The following INPP5B variants were observed in gnomAD, a reference collection of about 807,000 sequenced individuals.
The protein encoded by INPP5B is inositol polyphosphate-5-phosphatase B.
Under a neutral mutation model 118.5 loss-of-function variants are expected in INPP5B, and 90 were observed. The observed-to-expected ratio is 0.76, with a 90% CI of 0.64 to 0.90. The LOEUF (loss-of-function observed/expected upper bound fraction) is 0.90, where lower values mean the gene tolerates loss of function less well. Ranked by LOEUF, INPP5B falls within the 40% of genes least tolerant of loss-of-function variation. The pLI is 0.00. For missense variants in INPP5B, 984 were observed against 1,125.6 expected (o/e 0.87, Z 1.80); for synonymous variants, 385 against 418.9 (o/e 0.92, Z 0.99).
rs148354502 is a variant in INPP5B at position 37,861,687 on chromosome 1, G to A, written c.*628C>T. 0.027 allele frequency: 4,046 copies of A among 148,422 alleles called. 77 individuals are homozygous for A. Among genetic ancestry groups the A allele is most frequent in the Middle Eastern group, 0.046 (13 of 284 alleles). The allele number at this position is 148,422 out of a possible 1,614,324, so 9.2% of individuals were successfully genotyped here. A position where few individuals can be genotyped will look rare whatever the true frequency, so the allele number is the denominator to read the frequency against. On this transcript the variant is annotated 3_prime_UTR_variant, in exon 24 of 24. Coordinates refer to ENST00000373024, the MANE Select transcript of INPP5B (RefSeq NM_005540.3). ...AGAGGTTGCAGTGAGCCAAGACCAC[G>A]CCAACGCACTCCAGCCTGGGCAACA...
intron 14 of INPP5B, 76 bp downstream of exon 14, chr1:37,882,731 G>T: frequency 8.7e-7 from 1 of 1,143,018 alleles, no homozygotes; most frequent in Non-Finnish European, 1.3e-6. Flanking sequence ...GAGGCTGCGA[G>T]TTTGGAAGCC....
At position 37,885,189 on chromosome 1, in the gene INPP5B, G is replaced by A. The variant is rs191455639; in HGVS notation, c.1319+449C>T. On this transcript the variant is annotated intron_variant, in intron 13 of 23. Coordinates refer to ENST00000373024, the MANE Select transcript of INPP5B (RefSeq NM_005540.3). ...AGCACTCTGGGAGGCCGAGGTGGGC[G>A]GATCATGAGGTCAGGAGATTGAGAC... 927 of 152,568 alleles carry A rather than the reference G, an allele frequency of 6.1e-3. 6 individuals are homozygous for A. Among genetic ancestry groups the A allele is most frequent in the Middle Eastern group, 0.014 (4 of 296 alleles). The allele number at this position is 152,568 out of a possible 1,614,324, so 9.5% of individuals were successfully genotyped here. A position where few individuals can be genotyped will look rare whatever the true frequency, so the allele number is the denominator to read the frequency against.
At chr1:37,890,154 C>A (rs1643757737) in intron 8 of INPP5B, among the ~76,000 whole-genome samples, 1 of 152,124 alleles carries the variant, frequency 6.6e-6, no homozygotes, top group Non-Finnish European at 1.5e-5. Context: ...GGAGGCAACT[C>A]ACTTGAGGCC....
Position 37,913,727 on chromosome 1 carries a change from G to A in INPP5B, c.532+18186C>T, listed in dbSNP as rs534214551. ...TCCACATCGCCCCTAAAAAATTTTCGCCACCCCAACACTTCACCACCATTT... is the reference window on the plus strand; with the variant it reads ...TCCACATCGCCCCTAAAAAATTTTCACCACCCCAACACTTCACCACCATTT... On this transcript the variant is annotated intron_variant, in intron 7 of 23. Coordinates refer to ENST00000373024, the MANE Select transcript of INPP5B (RefSeq NM_005540.3). Among the ~76,000 whole-genome samples the A allele has an allele frequency of 3.9e-5, 6 of 151,974 alleles. No homozygotes were observed. In the East Asian group the frequency reaches 9.7e-4, roughly 24 times the overall value.
At chr1:37,886,721 C>G (rs1643559438) in intron 12 of INPP5B, among the ~76,000 whole-genome samples, 167 bp downstream of exon 12, 1 of 152,210 alleles carries the variant, frequency 6.6e-6, no homozygotes, top group Non-Finnish European at 1.5e-5. Flanking sequence ...TTCACTAAAA[C>G]AGTTTCTAAA....
intron 7 of INPP5B, among the ~76,000 whole-genome samples, chr1:37,897,278 T>G (rs1202945604): frequency 3.3e-5 from 5 of 149,290 alleles, no homozygotes; most frequent in South Asian, 2.2e-4. Context: ...AATGGCGGTT[T>G]TGTGGAATAG....
intron 7 of INPP5B, among the ~76,000 whole-genome samples, chr1:37,903,554 G>A (rs952395870): frequency 5.9e-5 from 9 of 152,226 alleles, no homozygotes; most frequent in South Asian, 4.2e-4. Context: ...GTGAAACCCC[G>A]TCTCTACTAA....
In INPP5B at chr1:37,943,623, C is replaced by T. The variant is rs202077413; in HGVS notation, c.280+17G>A. ...ACCCCTGCCCCGAGTGGGACCCAGA[C>T]CAAGAGGACCACTCACCAAGGATGT... On this transcript the variant is annotated intron_variant, in intron 5 of 23. Transcript: ENST00000373024. 4.2e-5 allele frequency: 68 copies of T among 1,613,828 alleles called. No individual in the cohort carries two copies. In the East Asian group the frequency reaches 1.4e-3, roughly 34 times the overall value.
chr1:37,911,691 C>G (rs957221167), intron 7 of INPP5B, among the ~76,000 whole-genome samples: 1 of 152,192 alleles, frequency 6.6e-6, no homozygotes, highest in Non-Finnish European at 1.5e-5. Flanking sequence ...ATATCCTGCA[C>G]CACCATGCTG....
intron 6 of INPP5B, among the ~76,000 whole-genome samples, chr1:37,932,881 CTGTT>C (rs1185866305): frequency 1.3e-5 from 2 of 152,160 alleles, no homozygotes; most frequent in African/African-American, 2.4e-5. Context: ...GACAAGTCCT[CTGTT>C]TCTCCCTTAA....
intron 23 of INPP5B, among the ~76,000 whole-genome samples, chr1:37,863,056 T>C (rs1316815517): frequency 5.9e-5 from 9 of 151,944 alleles, no homozygotes; most frequent in African/African-American, 2.2e-4. Flanking sequence ...TGCGATGAGG[T>C]TCCATGAGCG....
intron 7 of INPP5B, among the ~76,000 whole-genome samples, chr1:37,924,329 G>A (rs1025446905): frequency 4.0e-5 from 6 of 150,066 alleles, no homozygotes; most frequent in East Asian, 2.0e-4. Flanking sequence ...CCACCCTGCC[G>A]GGCTAATTTT....
intron 23 of INPP5B, among the ~76,000 whole-genome samples, chr1:37,863,242 G>A (rs1289591656): frequency 2.0e-5 from 3 of 151,596 alleles, no homozygotes; most frequent in Non-Finnish European, 2.9e-5. Flanking sequence ...AAGGCAGGGT[G>A]CGGTGGCTCA....
intron 7 of INPP5B, among the ~76,000 whole-genome samples, chr1:37,926,612 T>G (rs1645239886): frequency 6.6e-6 from 1 of 151,132 alleles, no homozygotes; most frequent in Non-Finnish European, 1.5e-5. Context: ...AACTTTGGAT[T>G]AAAAAAAAAC....
chr1:37,945,935 C>T lies in INPP5B; in HGVS notation c.58-85G>A, dbSNP rs544630961. 10 of 1,255,954 alleles carry T rather than the reference C, an allele frequency of 8.0e-6. No homozygotes were observed. The East Asian group carries it at 1.9e-4, about 24-fold the overall frequency. The allele number at this position is 1,255,954 out of a possible 1,614,324, so 77.8% of individuals were successfully genotyped here. ...TCCCACCTTCCCTCTGTTCCCCTGC[C>T]CCCCCAGATTCACTGTGTGGCCTTG... On this transcript the variant is annotated intron_variant, in intron 2 of 23. Transcript: ENST00000373024.
At chr1:37,918,310 C>T (rs1644941706) in intron 7 of INPP5B, among the ~76,000 whole-genome samples, 1 of 152,188 alleles carries the variant, frequency 6.6e-6, no homozygotes, top group Non-Finnish European at 1.5e-5. Flanking sequence ...CAAACTGGTT[C>T]AATTGGCATC....
intron 7 of INPP5B, among the ~76,000 whole-genome samples, chr1:37,904,082 T>C (rs1644423168): frequency 6.6e-6 from 1 of 152,044 alleles, no homozygotes; most frequent in South Asian, 2.1e-4. Context: ...ATCCTAGAAC[T>C]TTGGGAGGCC....
rs368563786 is a variant in INPP5B at position 37,864,412 on chromosome 1, A to C, written c.2526T>G (p.Thr842=). ...AGACATTTTTGTGGAATATGGGGAG[A>C]GTAGAAATGACCTGAAAGAGGAAGA... ...NYTASKQVIS[T]LPIFHKNVFH... is the part of the protein sequence containing the mutation. Residue 842 remains threonine, a synonymous_variant, in exon 23 of 24, where the codon ACT becomes ACG. Transcript: ENST00000373024. 5 of 1,600,100 alleles carry C rather than the reference A, an allele frequency of 3.1e-6. No individual in the cohort carries two copies. The East Asian group carries it at 1.1e-4, about 36-fold the overall frequency.
At chr1:37,899,053 T>C (rs1644230263) in intron 7 of INPP5B, among the ~76,000 whole-genome samples, 1 of 150,734 alleles carries the variant, frequency 6.6e-6, no homozygotes, top group African/African-American at 2.4e-5. Context: ...TGGTGGCGCA[T>C]GCCTGTAATC....
Sources: gnomAD v4.1 joint callset for allele counts (sites outside exome capture counted in the v4.1 genomes callset) on GRCh38, gnomAD v4.1.1 for gene constraint, MANE v1.5 for transcripts, NCBI Gene and HGNC (gene_info 2026-07-23, HGNC 2026-07-21) for gene names.